The following PSAP variants were observed in gnomAD, a reference collection of about 807,000 sequenced individuals.
The protein encoded by PSAP is precursor of saposins.
In PSAP, 25 loss-of-function variants were observed where a neutral mutation model predicts 66.0. That is an observed-to-expected ratio of 0.38 (90% CI 0.28 to 0.53). The LOEUF (loss-of-function observed/expected upper bound fraction) is 0.53. Among genes scored for constraint, PSAP ranks in the 20% least tolerant of loss-of-function variants. The pLI is 0.83. For missense variants in PSAP, 649 were observed against 668.8 expected, an observed-to-expected ratio of 0.97 and a Z score of 0.33; for synonymous variants, 273 against 258.9, an observed-to-expected ratio of 1.05 and a Z score of -0.52.
intron 8 of PSAP, among the ~76,000 whole-genome samples, chr10:71,821,629 A>C (rs186294654): frequency 2.0e-5 from 3 of 152,328 alleles, no homozygotes; most frequent in Admixed American, 6.5e-5. Context: ...CTGAAAATAC[A>C]CAGGCTAATG....
chr10:71,843,454 C>A (rs1842765395), intron 1 of PSAP, among the ~76,000 whole-genome samples: 1 of 152,198 alleles, frequency 6.6e-6, no homozygotes, highest in African/African-American at 2.4e-5. Context: ...CATCCCATCA[C>A]AGCTACTGAG....
intron 7 of PSAP, among the ~76,000 whole-genome samples, chr10:71,825,090 G>C (rs189594431): frequency 1.3e-5 from 2 of 152,258 alleles, no homozygotes; most frequent in East Asian, 3.9e-4. Flanking sequence ...GCGTCGCTGT[G>C]TTCCAAAAAA....
At chr10:71,832,017 C>G (rs888441708) in intron 2 of PSAP, 97 bp from the exon 3 acceptor site, 1 of 1,224,232 alleles carries the variant, frequency 8.2e-7, no homozygotes, top group African/African-American at 1.5e-5. Flanking sequence ...TTCTCTCTAA[C>G]CAGGGATATG....
intron 1 of PSAP, among the ~76,000 whole-genome samples, chr10:71,841,143 C>T (rs1842726795): frequency 6.6e-6 from 1 of 152,200 alleles, no homozygotes; most frequent in South Asian, 2.1e-4. Flanking sequence ...CTCTGCATGG[C>T]TCCCCATCCT....
At chr10:71,829,752 A>T (rs1228036411) in intron 4 of PSAP, among the ~76,000 whole-genome samples, 1 of 152,134 alleles carries the variant, frequency 6.6e-6, no homozygotes, top group Non-Finnish European at 1.5e-5. Flanking sequence ...TAATCCCAGC[A>T]CTTTGTGAGG....
At chr10:71,821,843 G>T in intron 8 of PSAP, 33 bp downstream of exon 8, 1 of 1,613,998 alleles carries the variant, frequency 6.2e-7, no homozygotes, top group Non-Finnish European at 8.5e-7. Context: ...GCATTGCACA[G>T]CCCTGACCAG....
intron 7 of PSAP, among the ~76,000 whole-genome samples, chr10:71,825,289 G>A (rs564986038): frequency 8.0e-4 from 122 of 152,300 alleles, no homozygotes; most frequent in Middle Eastern, 3.4e-3. Flanking sequence ...TGAGCAGGCC[G>A]CCCTGCTCTG....
Position 71,828,943 on chromosome 10 carries a change from G to A in PSAP, c.510C>T (p.Pro170=). 6.2e-7 allele frequency: 1 copy of A among 1,614,142 alleles called. No individual in the cohort carries two copies. Among genetic ancestry groups the A allele is most frequent in the Non-Finnish European group, 8.5e-7 (1 of 1,180,028 alleles). The change falls in exon 5 of 14, where the codon CCC becomes CCT. Residue 170 remains proline, a synonymous_variant. Coordinates refer to ENST00000394936, the MANE Select transcript of PSAP (RefSeq NM_002778.4). ...PELDMTEVVA[P]FMANIPLLLY... ...GGAGGAGAGGGATGTTGGCCATGAA[G>A]GGGGCCACCACCTCAGTCATGTCCA...
intron 1 of PSAP, among the ~76,000 whole-genome samples, chr10:71,845,642 G>A (rs540471001): frequency 9.2e-5 from 14 of 152,214 alleles, no homozygotes; most frequent in Non-Finnish European, 1.5e-4. Context: ...GGCTTCCCAC[G>A]TCCATCTATT....
chr10:71,830,994 T>G, intron 4 of PSAP, 132 bp downstream of exon 4: 2 of 1,385,610 alleles, frequency 1.4e-6, no homozygotes, highest in East Asian at 2.4e-5. Context: ...GGATGTCAAA[T>G]TGTAGCAAAA....
chr10:71,830,570 T>G (rs1842492510), intron 4 of PSAP, among the ~76,000 whole-genome samples: 1 of 152,248 alleles, frequency 6.6e-6, no homozygotes, highest in Non-Finnish European at 1.5e-5. Context: ...ACCTTGGTCC[T>G]GTCTTGGGAA....
chr10:71,819,661 C>CAG, intron 10 of PSAP, 39 bp from the exon 11 acceptor site: 1 of 1,614,090 alleles, frequency 6.2e-7, no homozygotes, highest in East Asian at 2.2e-5. Context: ...TGGCAGGGCC[C>CAG]TCCCAGACCC....
intron 4 of PSAP, among the ~76,000 whole-genome samples, chr10:71,829,642 T>C: frequency 6.6e-6 from 1 of 152,170 alleles, no homozygotes; most frequent in East Asian, 1.9e-4. Flanking sequence ...TCTTTATTAG[T>C]AGCATGAAAA....
At chr10:71,841,019 C>A (rs1008989881) in intron 1 of PSAP, among the ~76,000 whole-genome samples, 1 of 152,218 alleles carries the variant, frequency 6.6e-6, no homozygotes, top group South Asian at 2.1e-4. Flanking sequence ...CAAAGAAGAA[C>A]TTAGATCACC....
At chr10:71,827,934 G>T in intron 6 of PSAP, 80 bp downstream of exon 6, 1 of 1,573,108 alleles carries the variant, frequency 6.4e-7, no homozygotes, top group Admixed American at 1.7e-5. Context: ...GAAGGATGTT[G>T]TCTGAACGCC....
intron 7 of PSAP, chr10:71,825,586 G>A (rs1842386598): frequency 1.9e-5 from 12 of 629,728 alleles, no homozygotes; most frequent in South Asian, 1.7e-4. Context: ...TGAACGGGCA[G>A]AGGCAAACAA....
intron 8 of PSAP, among the ~76,000 whole-genome samples, chr10:71,821,326 T>G (rs1213339705): frequency 6.6e-6 from 1 of 152,268 alleles, no homozygotes; most frequent in African/African-American, 2.4e-5. Flanking sequence ...TGACATCATC[T>G]GTTCACCACA....
chr10:71,836,548 T>G (rs1842632285), intron 1 of PSAP, among the ~76,000 whole-genome samples: 1 of 151,992 alleles, frequency 6.6e-6, no homozygotes, highest in South Asian at 2.1e-4. Context: ...CAAATCAAGA[T>G]GAACAGGAGG....
In PSAP at chr10:71,820,330, G is replaced by A. The variant is rs377732178; in HGVS notation, c.915C>T (p.His305=). 1.5e-5 allele frequency: 24 copies of A among 1,613,528 alleles called. 1 individual carries two copies. The highest frequency in any genetic ancestry group is 1.6e-4 in the Middle Eastern group (1 of 6,084). ...ALELVEPIKK[H]EVPAKSDVYC... ...AAACATCAGACTTTGCTGGGACCTC[G>A]TGCTTCTGTGGAAAGAGTAGAAGGA... Residue 305 remains histidine, a synonymous_variant, in exon 9 of 14, where the codon CAC becomes CAT. Transcript: ENST00000394936.
Sources: allele counts gnomAD v4.1 joint callset (sites outside exome capture counted in the v4.1 genomes callset), GRCh38; gene constraint gnomAD v4.1.1; transcripts MANE v1.5; gene names NCBI Gene and HGNC (gene_info 2026-07-23, HGNC 2026-07-21).